The following HCN2 variants were observed in gnomAD, a reference collection of about 807,000 sequenced individuals.
The protein encoded by HCN2 is potassium/sodium hyperpolarization-activated cyclic nucleotide-gated channel 2.
HCN2 carries 20 observed loss-of-function variants against 52.3 expected under a neutral mutation model. The ratio of observed to expected loss-of-function variants is 0.38; its 90% CI spans 0.27 to 0.56. The LOEUF is 0.56. Ranked by LOEUF, HCN2 falls within the 20% of genes least tolerant of loss-of-function variation. The probability of loss-of-function intolerance (pLI) is 0.71; values close to 1 mark genes in which losing one functional copy is unlikely to be tolerated. For missense variants in HCN2, 981 were observed against 1,207.7 expected, an observed-to-expected ratio of 0.81 and a Z score of 2.78; for synonymous variants, 694 against 537.0, an observed-to-expected ratio of 1.29 and a Z score of -4.04.
rs1982845877 is a variant in HCN2, at chr19:590,758, C to A, written c.632+181C>A. On this transcript the variant is annotated intron_variant, in intron 1 of 7. Transcript: ENST00000251287. The surrounding 1 kb of genome is among the most constrained non-coding windows in gnomAD (Gnocchi z 7.2). ...GGAGTGACCCCGGCGCGCGAGGCTC[C>A]GCCTCTGGGGGGGCTCCCCGGGTGA... 1 of 356,670 alleles carries A rather than the reference C, an allele frequency of 2.8e-6. No homozygotes were observed. The highest frequency in any genetic ancestry group is 1.4e-4 in the South Asian group (1 of 7,158). 22.1% of individuals were successfully genotyped at this position (356,670 alleles called of 1,614,324 possible). A position where few individuals can be genotyped will look rare whatever the true frequency, so the allele number is the denominator to read the frequency against.
At chr19:607,896 C>T in intron 3 of HCN2, 68 bp from the exon 4 acceptor site, 2 of 1,253,264 alleles carry the variant, frequency 1.6e-6, no homozygotes, top group Non-Finnish European at 2.3e-6. Flanking sequence ...GGCGCTGGGC[C>T]CTTGAGGACC....
rs1397416724 is a variant in HCN2, at chr19:603,587, C to A, written c.676C>A (p.Leu226Ile). 1.2e-6 allele frequency: 2 copies of A among 1,610,720 alleles called. No individual in the cohort carries two copies. Among genetic ancestry groups the A allele is most frequent in the Non-Finnish European group, 1.7e-6 (2 of 1,178,428 alleles). ...CATGCTGCTGTTCATGGTGGGAAAC[C>A]TCATCATCATCCCAGTGGGCATCAC... ...FTMLLFMVGN[L>I]IIIPVGITFF... The change falls in exon 2 of 8, where the codon CTC becomes ATC. Residue 226 changes from leucine to isoleucine, a missense_variant. Leu to Ile is a conservative substitution (Grantham distance 5). Transcript: ENST00000251287.
rs905276534 is a variant in HCN2 at position 591,609 on chromosome 19, G to A, written c.632+1032G>A. Among the ~76,000 whole-genome samples the A allele has an allele frequency of 1.3e-5, 2 of 152,026 alleles. No homozygotes were observed. The highest frequency in any genetic ancestry group is 4.8e-5 in the African/African-American group (2 of 41,394). On this transcript the variant is annotated intron_variant, in intron 1 of 7. Transcript: ENST00000251287. The surrounding 1 kb of genome is among the most constrained non-coding windows in gnomAD (Gnocchi z 4.1). ...GTGAGGTGGGGTGTGGAGGGTGCAG[G>A]TGGAGGGTGTAGGTGGGGCCCGCCG...
Position 616,497 on chromosome 19 carries a change from C to T in HCN2, c.*23C>T, listed in dbSNP as rs946310583. 41 of 1,204,904 alleles carry T rather than the reference C, an allele frequency of 3.4e-5. No homozygotes were observed. In the East Asian group the frequency reaches 1.2e-3, roughly 36 times the overall value. The allele number at this position is 1,204,904 out of a possible 1,614,324, so 74.6% of individuals were successfully genotyped here. A position where few individuals can be genotyped will look rare whatever the true frequency, so the allele number is the denominator to read the frequency against. ...TGACCCTCGCCGACCGCCCCGCGGG[C>T]CCAGGCGGGCCGGGGGCGGGGCCGT... On this transcript the variant is annotated 3_prime_UTR_variant, in exon 8 of 8. Coordinates refer to ENST00000251287, the MANE Select transcript of HCN2 (RefSeq NM_001194.4).
intron 1 of HCN2, among the ~76,000 whole-genome samples, chr19:596,241 A>G (rs1180466060): frequency 6.6e-6 from 1 of 152,212 alleles, no homozygotes; most frequent in Non-Finnish European, 1.5e-5. Context: ...TGTTTCACTT[A>G]TGGCTGGAGG....
intron 3 of HCN2, among the ~76,000 whole-genome samples, chr19:606,850 CA>C (rs34623818): frequency 0.68 from 100,937 of 147,986 alleles, 35,600 homozygotes; most frequent in African/African-American, 0.87. Context: ...GACTTTGTCT[CA>C]AAAAAAATAA....
In HCN2 at chr19:613,975, G is replaced by A; in HGVS notation, c.1949G>A (p.Arg650His). Residue 650 changes from arginine (R) to histidine (H), a missense_variant, in exon 7 of 8, where the codon CGC becomes CAC. Arg to His is a conservative substitution (Grantham distance 29, BLOSUM62 0). Around this residue, in one of 6 missense-constraint regions of HCN2, gnomAD observed 85 missense variants for 106.1 expected, o/e 0.80. Transcript: ENST00000251287. ...EVLEEYPMMR[R>H]AFETVAIDRL... is the part of the protein sequence containing the mutation. ...CTGGAGGAGTACCCCATGATGCGGCGCGCCTTCGAGACGGTGGCCATCGAC... is the reference window on the plus strand; with the variant it reads ...CTGGAGGAGTACCCCATGATGCGGCACGCCTTCGAGACGGTGGCCATCGAC... 2.1e-6 allele frequency: 3 copies of A among 1,431,470 alleles called. No individual in the cohort carries two copies. The highest frequency in any genetic ancestry group is 2.8e-6 in the Non-Finnish European group (3 of 1,074,858). 88.7% of individuals were successfully genotyped at this position (1,431,470 alleles called of 1,614,324 possible).
rs1600514477 is a variant in HCN2 at position 592,299 on chromosome 19, C to T, written c.632+1722C>T. 6.6e-6 allele frequency among the ~76,000 whole-genome samples: 1 copy of T among 152,196 alleles called. No individual in the cohort carries two copies. The highest frequency in any genetic ancestry group is 1.5e-5 in the Non-Finnish European group (1 of 68,022). On this transcript the variant is annotated intron_variant, in intron 1 of 7. Transcript: ENST00000251287. This position sits in a 1 kb window ranked among gnomAD's most constrained non-coding sequence, Gnocchi z 4.8. ...GTGGGGGCTGGCAGGTGGAGGCCCA[C>T]ACCAGCCACTCCCTCCCCTGGGCAG...
chr19:612,891 G>A (rs1037243371), intron 5 of HCN2, among the ~76,000 whole-genome samples: 1 of 151,636 alleles, frequency 6.6e-6, no homozygotes, highest in African/African-American at 2.4e-5. Context: ...TGTTGCCCAG[G>A]CTGGTCTAGA....
At chr19:610,450 G>A (rs939702902) in intron 5 of HCN2, 45 bp downstream of exon 5, 12 of 1,576,990 alleles carry the variant, frequency 7.6e-6, no homozygotes, top group Admixed American at 3.4e-5. Flanking sequence ...CCGGTACAGG[G>A]CCGGCCTCCC....
Position 607,996 on chromosome 19 carries a change from A to C in HCN2, c.1251A>C (p.Ala417=), listed in dbSNP as rs773024302. The part of the protein sequence containing the change: ...NHSWSELYSF[A]LFKAMSHMLC... ...CGTGGAGTGAACTGTACTCCTTCGC[A>C]CTCTTCAAGGCCATGAGCCACATGC... The change falls in exon 4 of 8, where the codon GCA becomes GCC. Residue 417 remains alanine (A), a synonymous_variant. Coordinates refer to ENST00000251287, the MANE Select transcript of HCN2 (RefSeq NM_001194.4). 9 of 1,612,362 alleles carry C rather than the reference A, an allele frequency of 5.6e-6. No individual in the cohort carries two copies. The highest frequency in any genetic ancestry group is 3.3e-5 in the Admixed American group (2 of 60,000).
chr19:605,883 G>T (rs995667441), intron 3 of HCN2, among the ~76,000 whole-genome samples: 42 of 152,026 alleles, frequency 2.8e-4, no homozygotes, highest in Non-Finnish European at 5.9e-5. Flanking sequence ...GAGGACTCAG[G>T]CCTCTTTACA....
In HCN2 at chr19:616,395, G is replaced by A. The variant is rs1051981474; in HGVS notation, c.2591G>A (p.Arg864Lys). The change falls in exon 8 of 8, where the codon AGG becomes AAG. Residue 864 changes from arginine (R) to lysine (K), a missense_variant. Coordinates refer to ENST00000251287, the MANE Select transcript of HCN2 (RefSeq NM_001194.4). ...ARAAAPSPDR[R>K]DSASPGAAGG... ...GCCGCCGCGCCCAGCCCGGACCGCAGGGACTCGGCCTCACCCGGCGCCGCC... is the reference window on the plus strand; with the variant it reads ...GCCGCCGCGCCCAGCCCGGACCGCAAGGACTCGGCCTCACCCGGCGCCGCC... 5 of 1,242,780 alleles carry A rather than the reference G, an allele frequency of 4.0e-6. No homozygotes were observed. The African/African-American group carries it at 4.9e-5, about 12-fold the overall frequency. The allele number at this position is 1,242,780 out of a possible 1,614,324, so 77.0% of individuals were successfully genotyped here.
chr19:616,344 G>A lies in HCN2; in HGVS notation c.2540G>A (p.Arg847His), dbSNP rs1228773874. 8.3e-7 allele frequency: 1 copy of A among 1,209,972 alleles called. No individual in the cohort carries two copies. Among genetic ancestry groups the A allele is most frequent in the Non-Finnish European group, 1.0e-6 (1 of 960,898 alleles). The allele number at this position is 1,209,972 out of a possible 1,614,324, so 75.0% of individuals were successfully genotyped here. Residue 847 changes from arginine (R) to histidine (H), a missense_variant, in exon 8 of 8, where the codon CGC (arginine) becomes CAC (histidine). Arg to His is a conservative substitution (Grantham distance 29). Coordinates refer to ENST00000251287, the MANE Select transcript of HCN2 (RefSeq NM_001194.4). ...CGCCCGGCCAGCAGCTCCACACCGC[G>A]CTTGGGGCCCACGCCCGCTGCCCGG... ...STRPASSSTPRLGPTPAARAA... is the reference protein window; with the variant it reads ...STRPASSSTPHLGPTPAARAA...
At chr19:607,828 TCTCTTGGTTAC>T in intron 3 of HCN2, 125 bp from the exon 4 acceptor site, 1 of 643,250 alleles carries the variant, frequency 1.6e-6, no homozygotes, top group Non-Finnish European at 2.7e-6. Flanking sequence ...GGTCTCCATT[TCTCTTGGTTAC>T]CTCTGAACAT....
At chr19:615,241 GGCTCAC>G (rs140907792) in intron 7 of HCN2, among the ~76,000 whole-genome samples, 14,962 of 152,092 alleles carry the variant, frequency 0.098, 953 homozygotes, top group East Asian at 0.25. Flanking sequence ...CAGGCGCGGT[GGCTCAC>G]GCCTGTAGTC....
In HCN2 at chr19:617,023, C is replaced by T. The variant is rs1271334710; in HGVS notation, c.*549C>T. 27 of 515,426 alleles carry T rather than the reference C, an allele frequency of 5.2e-5. No individual in the cohort carries two copies. Among genetic ancestry groups the T allele is most frequent in the South Asian group, 5.0e-4 (25 of 49,810 alleles). The allele number at this position is 515,426 out of a possible 1,614,324, so 31.9% of individuals were successfully genotyped here. ...GAGGCAGGCCTGGCTGCGCAGGGCG[C>T]GGGGGGGAGGCTGGGGTCCCGCCGC... On this transcript the variant is annotated 3_prime_UTR_variant, in exon 8 of 8. Transcript: ENST00000251287.
intron 5 of HCN2, among the ~76,000 whole-genome samples, chr19:611,084 G>A (rs974548154): frequency 1.3e-5 from 2 of 152,286 alleles, no homozygotes; most frequent in African/African-American, 4.8e-5. Context: ...TTGGATCAGG[G>A]CCCACCCGGT....
chr19:592,026 C>T lies in HCN2; in HGVS notation c.632+1449C>T, dbSNP rs1353605955. On this transcript the variant is annotated intron_variant, in intron 1 of 7. Coordinates refer to ENST00000251287, the MANE Select transcript of HCN2 (RefSeq NM_001194.4). The surrounding 1 kb of genome is among the most constrained non-coding windows in gnomAD (Gnocchi z 4.8). The stretch of plus-strand genomic sequence containing the variant: ...AATCCCCAGAGGGGCTGTGTCCGGC[C>T]CCTCCCACCCTGCCTCTGTGCCCCA... Among the ~76,000 whole-genome samples, 1 of 152,192 alleles carries T rather than the reference C, an allele frequency of 6.6e-6. No individual in the cohort carries two copies. The highest frequency in any genetic ancestry group is 6.5e-5 in the Admixed American group (1 of 15,292).
Sources: allele counts gnomAD v4.1 joint callset (sites outside exome capture counted in the v4.1 genomes callset), GRCh38; gene constraint gnomAD v4.1.1; regional missense constraint gnomAD v4.1.1; non-coding constraint Gnocchi (gnomAD v3.1); transcripts MANE v1.5; gene names NCBI Gene and HGNC (gene_info 2026-07-23, HGNC 2026-07-21).